The following EEPD1 variants were observed in gnomAD, a reference collection of about 807,000 sequenced individuals.
The protein encoded by EEPD1 is endonuclease/exonuclease/phosphatase family domain-containing protein 1.
EEPD1 carries 17 observed loss-of-function variants against 46.3 expected under a neutral mutation model. That is an observed-to-expected ratio of 0.37 (90% CI 0.25 to 0.55). The LOEUF is 0.55. Among genes scored for constraint, EEPD1 ranks in the 20% least tolerant of loss-of-function variants. EEPD1 has a pLI of 0.83. For missense variants in EEPD1, 673 were observed against 745.6 expected (o/e 0.90, Z 1.13); for synonymous variants, 313 against 315.6 (o/e 0.99, Z 0.09).
chr7:36,273,586 G>GA (rs149904209), intron 3 of EEPD1, among the ~76,000 whole-genome samples: 3,574 of 152,240 alleles, frequency 0.023, 66 homozygotes, highest in Non-Finnish European at 0.038. Flanking sequence ...GAAGGAGGGA[G>GA]AAAGGGGTTT....
Position 36,154,260 on chromosome 7 carries a change from C to T in EEPD1, c.-65C>T, listed in dbSNP as rs1210383622. On this transcript the variant is annotated 5_prime_UTR_variant, in exon 2 of 8. Transcript: ENST00000242108. This position sits in a 1 kb window ranked among gnomAD's most constrained non-coding sequence, Gnocchi z 4.2. Reference sequence around the variant, plus strand: ...TGTGCTTGTACGGCCTACTGGGCTTCCTCCCTAGCCAGAGAGCTCTTCTGC... The same window carrying T: ...TGTGCTTGTACGGCCTACTGGGCTTTCTCCCTAGCCAGAGAGCTCTTCTGC... The T allele has an allele frequency of 1.3e-6, 2 of 1,520,012 alleles. No homozygotes were observed. The highest frequency in any genetic ancestry group is 1.8e-6 in the Non-Finnish European group (2 of 1,139,928). The allele number at this position is 1,520,012 out of a possible 1,614,324, so 94.2% of individuals were successfully genotyped here. A position where few individuals can be genotyped will look rare whatever the true frequency, so the allele number is the denominator to read the frequency against.
chr7:36,154,008 T>G lies in EEPD1; in HGVS notation c.-192-125T>G. Reference sequence around the variant, plus strand: ...GGGCCTAGCCTCATTGTGCCTGCGTTTTTAGGGGTTCACGGGCAGCCACCA... The same window carrying G: ...GGGCCTAGCCTCATTGTGCCTGCGTGTTTAGGGGTTCACGGGCAGCCACCA... On this transcript the variant is annotated intron_variant, in intron 1 of 7. Transcript: ENST00000242108. This position sits in a 1 kb window ranked among gnomAD's most constrained non-coding sequence, Gnocchi z 4.2. 2.6e-6 allele frequency: 1 copy of G among 385,410 alleles called. No homozygotes were observed. The highest frequency in any genetic ancestry group is 4.8e-6 in the Non-Finnish European group (1 of 208,996). 23.9% of individuals were successfully genotyped at this position (385,410 alleles called of 1,614,324 possible). A position where few individuals can be genotyped will look rare whatever the true frequency, so the allele number is the denominator to read the frequency against.
chr7:36,173,348 A>AAG (rs1785123601), intron 2 of EEPD1, among the ~76,000 whole-genome samples: 1 of 147,204 alleles, frequency 6.8e-6, no homozygotes, highest in South Asian at 2.2e-4. Flanking sequence ...AAAAAAAAAA[A>AAG]CTTAGCTGGG....
chr7:36,248,688 A>G lies in EEPD1; in HGVS notation c.930+9652A>G, dbSNP rs1786681494. Among the ~76,000 whole-genome samples the G allele has an allele frequency of 2.0e-5, 3 of 152,010 alleles. No individual in the cohort carries two copies. In the South Asian group the frequency reaches 6.2e-4, roughly 31 times the overall value. On this transcript the variant is annotated intron_variant, in intron 3 of 7. Transcript: ENST00000242108. Reference sequence around the variant, plus strand: ...GATCAATATTCATATATTTGTATAAATTTGCATTGGGTTGAGCAAGATCAG... The same window carrying G: ...GATCAATATTCATATATTTGTATAAGTTTGCATTGGGTTGAGCAAGATCAG...
chr7:36,199,966 T>G (rs1294203069), intron 2 of EEPD1, among the ~76,000 whole-genome samples: 3 of 152,194 alleles, frequency 2.0e-5, no homozygotes, highest in African/African-American at 7.2e-5. Flanking sequence ...TTATAAAGAA[T>G]AGCTATTTTT....
chr7:36,296,848 A>G (rs948975474), intron 6 of EEPD1, 145 bp from the exon 7 acceptor site: 8 of 690,792 alleles, frequency 1.2e-5, no homozygotes, highest in Non-Finnish European at 1.9e-5. Flanking sequence ...AATGTGGAAG[A>G]GTGAGGAGAG....
chr7:36,248,033 G>A (rs1786668288), intron 3 of EEPD1, among the ~76,000 whole-genome samples: 2 of 152,102 alleles, frequency 1.3e-5, no homozygotes, highest in Admixed American at 6.5e-5. Flanking sequence ...TAAAAGTGAA[G>A]GAACACACAG....
intron 3 of EEPD1, among the ~76,000 whole-genome samples, chr7:36,252,754 G>T (rs1397153659): frequency 6.6e-6 from 1 of 150,522 alleles, no homozygotes; most frequent in African/African-American, 2.4e-5. Context: ...CTTATGGTAC[G>T]CCCCAGACTG....
chr7:36,203,174 A>C (rs1583806603), intron 2 of EEPD1, among the ~76,000 whole-genome samples: 2 of 152,310 alleles, frequency 1.3e-5, no homozygotes, highest in East Asian at 3.9e-4. Context: ...TGCTCATGAC[A>C]GTGCTGCTCC....
At chr7:36,259,148 T>C (rs965768150) in intron 3 of EEPD1, among the ~76,000 whole-genome samples, 5 of 152,292 alleles carry the variant, frequency 3.3e-5, no homozygotes, top group African/African-American at 1.2e-4. Context: ...CCCATCCTGG[T>C]TCAGCTCGCC....
chr7:36,194,679 C>T (rs771573752), intron 2 of EEPD1, among the ~76,000 whole-genome samples: 2 of 152,164 alleles, frequency 1.3e-5, no homozygotes, highest in Non-Finnish European at 2.9e-5. Context: ...CCAGGCCAGG[C>T]CTGGGCTGGA....
chr7:36,288,769 A>G (rs1787379259), intron 6 of EEPD1, among the ~76,000 whole-genome samples: 1 of 152,088 alleles, frequency 6.6e-6, no homozygotes, highest in East Asian at 1.9e-4. Context: ...CTCTTAAAAA[A>G]AAAAAAAAAA....
intron 3 of EEPD1, among the ~76,000 whole-genome samples, chr7:36,240,302 C>T (rs1195316271): frequency 6.6e-6 from 1 of 152,196 alleles, no homozygotes; most frequent in East Asian, 1.9e-4. Flanking sequence ...AGTAGTCAGT[C>T]TGCTGGTTGG....
At chr7:36,246,717 G>A (rs1203662550) in intron 3 of EEPD1, among the ~76,000 whole-genome samples, 2 of 152,060 alleles carry the variant, frequency 1.3e-5, no homozygotes, top group Non-Finnish European at 2.9e-5. Flanking sequence ...TTCAGCTTTG[G>A]AGCCCAACTC....
At chr7:36,238,751 T>A (rs1456787512) in intron 2 of EEPD1, among the ~76,000 whole-genome samples, 2 of 152,126 alleles carry the variant, frequency 1.3e-5, no homozygotes, top group Admixed American at 1.3e-4. Flanking sequence ...TTTGGGAATA[T>A]ACTTAAAAGT....
chr7:36,296,030 CAA>C (rs34494609), intron 6 of EEPD1, among the ~76,000 whole-genome samples: 1 of 71,952 alleles, frequency 1.4e-5, no homozygotes, highest in African/African-American at 6.2e-5. Flanking sequence ...GACTGTCTCA[CAA>C]AAAAAAAAAA....
chr7:36,196,715 T>C (rs1393851324), intron 2 of EEPD1, among the ~76,000 whole-genome samples: 1 of 152,190 alleles, frequency 6.6e-6, no homozygotes, highest in East Asian at 1.9e-4. Context: ...AACTCAGTGC[T>C]CAATGGTGCC....
chr7:36,154,370 T>G lies in EEPD1; in HGVS notation c.46T>G (p.Ser16Ala). 1 of 1,613,524 alleles carries G rather than the reference T, an allele frequency of 6.2e-7. No homozygotes were observed. Among genetic ancestry groups the G allele is most frequent in the Non-Finnish European group, 8.5e-7 (1 of 1,180,030 alleles). ...GCHRSIPRDP[S>A]DLSHSRKFSA... is the part of the protein sequence containing the mutation. ...CCACCGCTCCATCCCCAGGGACCCC[T>G]CGGACCTGTCCCATAGCCGCAAGTT... The change falls in exon 2 of 8, where the codon TCG (serine) becomes GCG (alanine). Residue 16 changes from serine to alanine, a missense_variant. Ser to Ala is a moderately conservative substitution (Grantham distance 99, BLOSUM62 1). Coordinates refer to ENST00000242108, the MANE Select transcript of EEPD1 (RefSeq NM_030636.3). This position sits in a 1 kb window ranked among gnomAD's most constrained non-coding sequence, Gnocchi z 4.2.
At chr7:36,219,794 AGAGAGAGAGAGAGTGTGTGT>A (rs1786106774) in intron 2 of EEPD1, among the ~76,000 whole-genome samples, 5 of 88,262 alleles carry the variant, frequency 5.7e-5, no homozygotes, top group Admixed American at 5.3e-4. Context: ...AGAGAGAGAG[AGAGAGAGAGAGAGTGTGTGT>A]GTGTGTGTGT....
Sources: allele counts gnomAD v4.1 joint callset (sites outside exome capture counted in the v4.1 genomes callset), GRCh38; gene constraint gnomAD v4.1.1; non-coding constraint Gnocchi (gnomAD v3.1); transcripts MANE v1.5; gene names NCBI Gene and HGNC (gene_info 2026-07-23, HGNC 2026-07-21).